XRN1: variants seen among roughly 807,000 people sequenced by gnomAD.
XRN1 encodes the protein 5'-3' exoribonuclease 1.
XRN1 carries 67 observed loss-of-function variants against 222.3 expected under a neutral mutation model. The ratio of observed to expected loss-of-function variants is 0.30; its 90% CI spans 0.25 to 0.37. The LOEUF (loss-of-function observed/expected upper bound fraction) is 0.37, where lower values mean the gene tolerates loss of function less well. Among genes scored for constraint, XRN1 ranks in the 10% least tolerant of loss-of-function variants. The probability of loss-of-function intolerance (pLI) is 1.00; values close to 1 mark genes in which losing one functional copy is unlikely to be tolerated. For synonymous variants in XRN1, 643 were observed against 652.4 expected (o/e 0.99, Z 0.22); for missense variants, 1,707 against 2,000.2 (o/e 0.85, Z 2.80).
intron 34 of XRN1, 84 bp from the exon 35 acceptor site, chr3:142,333,173 T>A: frequency 7.0e-7 from 1 of 1,427,170 alleles, no homozygotes; most frequent in Non-Finnish European, 9.4e-7. Flanking sequence ...ACAAAAATGG[T>A]CATTCGATTT....
At chr3:142,313,090 T>C in intron 39 of XRN1, 1 of 1,576,002 alleles carries the variant, frequency 6.3e-7, no homozygotes, top group Non-Finnish European at 8.6e-7. Flanking sequence ...TTGTCCCTTG[T>C]GAGAGAAAAG....
intron 37 of XRN1, among the ~76,000 whole-genome samples, chr3:142,324,554 A>AT (rs199744024): frequency 0.1 from 15,714 of 152,020 alleles, 958 homozygotes; most frequent in Non-Finnish European, 0.14. Flanking sequence ...TGCAATAAAC[A>AT]TAGGTGTGCA....
At chr3:142,404,605 T>C (rs2068275470) in intron 16 of XRN1, among the ~76,000 whole-genome samples, 1 of 152,012 alleles carries the variant, frequency 6.6e-6, no homozygotes, top group South Asian at 2.1e-4. Flanking sequence ...AATTCACATA[T>C]CCATTCGAGG....
chr3:142,383,946 A>AT lies in XRN1; in HGVS notation c.2503-534dup, dbSNP rs376315197. ...TTCAAGGGTGTAAGTTAATGGTGGG[A>AT]TTTTTTCTTTTAGAGTCTAAGTCCT... On this transcript the variant is annotated intron_variant, in intron 21 of 40. Coordinates refer to ENST00000392981, the MANE Select transcript of XRN1 (RefSeq NM_001282857.2). Among the ~76,000 whole-genome samples the AT allele has an allele frequency of 5.0e-3, 758 of 152,186 alleles. 9 individuals carry two copies. The highest frequency in any genetic ancestry group is 0.018 in the African/African-American group (736 of 41,518).
Position 142,421,091 on chromosome 3 carries a change from A to C in XRN1, c.1098T>G (p.Gly366=). 6.2e-7 allele frequency: 1 copy of C among 1,614,032 alleles called. No homozygotes were observed. Among genetic ancestry groups the C allele is most frequent in the East Asian group, 2.2e-5 (1 of 44,824 alleles). The change falls in exon 10 of 41, where the codon GGT becomes GGG. Residue 366 remains glycine (G), a synonymous_variant. Transcript: ENST00000392981. ...VDLKWFESKV[G]NKYLNEAAGV... The stretch of plus-strand genomic sequence containing the variant: ...CTGCTGCTTCATTGAGGTACTTGTT[A>C]CCAACTTTGCTTTCAAACCATTTTA...
At chr3:142,418,459 T>C in intron 12 of XRN1, 45 bp downstream of exon 12, 1 of 1,461,982 alleles carries the variant, frequency 6.8e-7, no homozygotes, top group Admixed American at 2.1e-5. Context: ...AACTGCAAAA[T>C]CTAATTTTTT....
intron 20 of XRN1, among the ~76,000 whole-genome samples, chr3:142,393,145 G>A (rs1325821190): frequency 6.8e-6 from 1 of 146,508 alleles, no homozygotes; most frequent in Non-Finnish European, 1.5e-5. Flanking sequence ...GTCTGTTCAT[G>A]TCCTTCGCCC....
chr3:142,321,909 C>T (rs936225699), intron 37 of XRN1, among the ~76,000 whole-genome samples: 3 of 152,092 alleles, frequency 2.0e-5, no homozygotes, highest in African/African-American at 7.2e-5. Context: ...CATCTGCAAA[C>T]GGATACTGCT....
rs189527024 is a variant in XRN1, at chr3:142,306,837, A to G, written c.*4674T>C. ...GGCAGACAATGTAAAGATATTTAAA[A>G]TCAAAAATTACAAAATGAGCACATA... On this transcript the variant is annotated 3_prime_UTR_variant, in exon 41 of 41. Transcript: ENST00000392981. 3 of 152,666 alleles carry G rather than the reference A, an allele frequency of 2.0e-5. No individual in the cohort carries two copies. Among genetic ancestry groups the G allele is most frequent in the African/African-American group, 7.2e-5 (3 of 41,470 alleles). 9.5% of individuals were successfully genotyped at this position (152,666 alleles called of 1,614,324 possible). A position where few individuals can be genotyped will look rare whatever the true frequency, so the allele number is the denominator to read the frequency against.
At chr3:142,384,114 A>C (rs752439576) in intron 21 of XRN1, among the ~76,000 whole-genome samples, 3 of 152,014 alleles carry the variant, frequency 2.0e-5, no homozygotes, top group Non-Finnish European at 1.5e-5. Flanking sequence ...ACTAAAAAAT[A>C]CCAAAAAATT....
At position 142,329,610 on chromosome 3, in the gene XRN1, A is replaced by G. The variant is rs2065633069; in HGVS notation, c.4228T>C (p.Tyr1410His). ...TTAGCACTGTGAGGCTTGTTCATAT[A>G]AGATGCTACCAAAAAAGAGAAAAGA... ...QPKQNKKLAS[Y>H]MNKPHSANEY... Residue 1410 changes from tyrosine to histidine, a missense_variant, in exon 37 of 41, where the codon TAT becomes CAT. This residue lies in a region of XRN1 where 473 missense variants were observed against 482.0 expected (regional missense o/e 0.98). Coordinates refer to ENST00000392981, the MANE Select transcript of XRN1 (RefSeq NM_001282857.2). The G allele has an allele frequency of 2.0e-6, 3 of 1,534,542 alleles. No homozygotes were observed. The highest frequency in any genetic ancestry group is 5.1e-5 in the East Asian group (2 of 39,184).
chr3:142,365,118 C>T lies in XRN1; in HGVS notation c.3323G>A (p.Arg1108His). ...DRDAEFCLFD[R>H]VVNVRENFSV... Reference sequence around the variant, plus strand: ...GAAGTTTTCTCTCACATTTACAACACGGTCAAAAAGACAAAATTCTGCATC... The same window carrying T: ...GAAGTTTTCTCTCACATTTACAACATGGTCAAAAAGACAAAATTCTGCATC... The change falls in exon 29 of 41, where the codon CGT becomes CAT. Residue 1108 changes from arginine to histidine, a missense_variant. Around this residue, in one of 2 missense-constraint regions of XRN1, gnomAD observed 1,234 missense variants for 1,518.2 expected, o/e 0.81. Transcript: ENST00000392981. The T allele has an allele frequency of 1.9e-6, 3 of 1,613,376 alleles. No homozygotes were observed. The highest frequency in any genetic ancestry group is 1.3e-5 in the African/African-American group (1 of 74,990).
Position 142,432,915 on chromosome 3 carries a change from T to C in XRN1, c.76-22A>G, listed in dbSNP as rs149050973. 126 of 1,552,048 alleles carry C rather than the reference T, an allele frequency of 8.1e-5. 2 individuals carry two copies. In the African/African-American group the frequency reaches 1.2e-3, roughly 15 times the overall value. On this transcript the variant is annotated intron_variant, in intron 1 of 40. Coordinates refer to ENST00000392981, the MANE Select transcript of XRN1 (RefSeq NM_001282857.2). The stretch of plus-strand genomic sequence containing the variant: ...GAATCTGAAAAACAAAGAAAAATGC[T>C]TGAGATCATTTATTTTAATCAACTA...
chr3:142,334,385 A>AT (rs1560298613), intron 34 of XRN1, among the ~76,000 whole-genome samples: 1 of 151,942 alleles, frequency 6.6e-6, no homozygotes, highest in African/African-American at 2.4e-5. Context: ...AATTTAAAAA[A>AT]ATATATATTA....
chr3:142,385,489 T>A (rs992541910), intron 20 of XRN1, among the ~76,000 whole-genome samples: 1 of 152,150 alleles, frequency 6.6e-6, no homozygotes, highest in Non-Finnish European at 1.5e-5. Flanking sequence ...CTAAAGTAAT[T>A]CAGACAGCCT....
At chr3:142,391,156 T>C (rs1490764475) in intron 20 of XRN1, among the ~76,000 whole-genome samples, 2 of 152,038 alleles carry the variant, frequency 1.3e-5, no homozygotes, top group Admixed American at 6.6e-5. Flanking sequence ...AGGCATGAAG[T>C]GAGCACATAC....
intron 20 of XRN1, among the ~76,000 whole-genome samples, chr3:142,396,672 GA>G (rs2067946177): frequency 5.3e-5 from 8 of 152,278 alleles, no homozygotes; most frequent in Middle Eastern, 6.8e-3. Flanking sequence ...GAGTATCCCT[GA>G]ATTCTCCGAA....
chr3:142,339,620 T>C (rs1375974848), intron 33 of XRN1, among the ~76,000 whole-genome samples: 2 of 152,218 alleles, frequency 1.3e-5, no homozygotes, highest in African/African-American at 4.8e-5. Flanking sequence ...CAGAGATATG[T>C]GACCTTTCAG....
At chr3:142,409,885 A>G (rs1346681438) in intron 15 of XRN1, among the ~76,000 whole-genome samples, 1 of 152,174 alleles carries the variant, frequency 6.6e-6, no homozygotes, top group Non-Finnish European at 1.5e-5. Context: ...ATATTTTTAA[A>G]TGCTATTTTA....
Sources: gnomAD v4.1 joint callset for allele counts (sites outside exome capture counted in the v4.1 genomes callset) on GRCh38, gnomAD v4.1.1 for gene constraint, gnomAD v4.1.1 regional missense constraint, MANE v1.5 for transcripts, NCBI Gene and HGNC (gene_info 2026-07-23, HGNC 2026-07-21) for gene names.